Variants in ATXN8OS observed in about 807,000 individuals in gnomAD.
ATXN8OS encodes ATXN8 opposite strand lncRNA.
chr13:70,133,377 GC>G (rs966614627), intron 3 of ATXN8OS, among the ~76,000 whole-genome samples: 2 of 152,118 alleles, frequency 1.3e-5, no homozygotes, highest in African/African-American at 4.8e-5. Context: ...CTATGACCAT[GC>G]CCCTTAAACA....
At chr13:70,161,520 T>A (rs1258117705) in intron 4 of ATXN8OS, among the ~76,000 whole-genome samples, 1 of 152,128 alleles carries the variant, frequency 6.6e-6, no homozygotes, top group Non-Finnish European at 1.5e-5. Flanking sequence ...TAAGCATCAT[T>A]TTTTCAGAAC....
intron 1 of ATXN8OS, among the ~76,000 whole-genome samples, chr13:70,108,889 A>G (rs1183476471): frequency 2.0e-5 from 3 of 152,154 alleles, no homozygotes; most frequent in Non-Finnish European, 2.9e-5. Flanking sequence ...TGACACTTAC[A>G]TTGTGATTCT....
At chr13:70,168,388 A>G (rs1889103866) in intron 4 of ATXN8OS, among the ~76,000 whole-genome samples, 2 of 152,000 alleles carry the variant, frequency 1.3e-5, no homozygotes, top group Admixed American at 1.3e-4. Context: ...CCTCTCTTCT[A>G]GCTATTTTGA....
chr13:70,126,565 A>C (rs964037606), intron 2 of ATXN8OS, among the ~76,000 whole-genome samples: 46 of 151,998 alleles, frequency 3.0e-4, no homozygotes, highest in Non-Finnish European at 5.7e-4. Flanking sequence ...TATTATATAC[A>C]TAAATAGATC....
intron 1 of ATXN8OS, among the ~76,000 whole-genome samples, chr13:70,109,910 G>C (rs190912976): frequency 1.6e-3 from 250 of 152,176 alleles, no homozygotes; most frequent in Non-Finnish European, 2.8e-3. Flanking sequence ...GTGCTTCATG[G>C]ATTATCTCAC....
At chr13:70,129,542 G>T (rs1028472507) in intron 2 of ATXN8OS, among the ~76,000 whole-genome samples, 1 of 151,898 alleles carries the variant, frequency 6.6e-6, no homozygotes, top group Non-Finnish European at 1.5e-5. Context: ...TTAATACAAG[G>T]TCATGTAATG....
chr13:70,131,470 C>A (rs1284639844), intron 3 of ATXN8OS: 4 of 398,368 alleles, frequency 1.0e-5, no homozygotes, highest in Admixed American at 4.4e-5. Flanking sequence ...TGTCCCTTAC[C>A]TTTTCTCCAG....
intron 2 of ATXN8OS, among the ~76,000 whole-genome samples, chr13:70,129,375 CTGTG>C (rs34731574): frequency 0.29 from 42,759 of 148,834 alleles, 6,355 homozygotes; most frequent in South Asian, 0.46. Context: ...TTGTATTTTT[CTGTG>C]TGTGTGTGTG....
rs1405496595 is a variant in ATXN8OS, at chr13:70,112,925, T to A, written n.241-2216T>A. On this transcript the variant is annotated intron_variant and non_coding_transcript_variant, in intron 1 of 4. Transcript: ENST00000678624. Reference sequence around the variant, plus strand: ...TGAGGGACTTTATATATATAATTTTTTTTTTTTTTTTTTTTGAGATGGAGT... The same window carrying A: ...TGAGGGACTTTATATATATAATTTTATTTTTTTTTTTTTTTGAGATGGAGT... 7.9e-3 allele frequency among the ~76,000 whole-genome samples: 667 copies of A among 84,774 alleles called. 32 individuals carry two copies. The highest frequency in any genetic ancestry group is 0.078 in the East Asian group (169 of 2,154). The allele number at this position is 84,774 out of a possible 152,430, so 55.6% of individuals were successfully genotyped here.
rs1288153771 is a variant in ATXN8OS at position 70,166,748 on chromosome 13, GA to G, written n.574-3001del. On this transcript the variant is annotated intron_variant and non_coding_transcript_variant, in intron 4 of 4. Coordinates refer to ENST00000678624, the Ensembl canonical transcript of ATXN8OS. ...TGAAAAGGCAACCTACACAATGGGA[GA>G]AAATTTTTCCAACCTACTCATCTGA... 2.0e-5 allele frequency among the ~76,000 whole-genome samples: 3 copies of G among 152,184 alleles called. No homozygotes were observed. The East Asian group carries it at 5.8e-4, about 29-fold the overall frequency.
intron 3 of ATXN8OS, among the ~76,000 whole-genome samples, chr13:70,142,716 T>C (rs1403630726): frequency 5.3e-4 from 2 of 3,770 alleles, no homozygotes; most frequent in Non-Finnish European, 8.7e-4. Flanking sequence ...AACTTTTGAT[T>C]TTTTTTTTGG....
chr13:70,151,808 G>A (rs1183956590), intron 4 of ATXN8OS, among the ~76,000 whole-genome samples: 1 of 152,022 alleles, frequency 6.6e-6, no homozygotes, highest in South Asian at 2.1e-4. Flanking sequence ...GAGTAATAAC[G>A]ACCTGAATTA....
intron 4 of ATXN8OS, among the ~76,000 whole-genome samples, chr13:70,157,761 T>C (rs1888955744): frequency 6.6e-6 from 1 of 152,116 alleles, no homozygotes; most frequent in Non-Finnish European, 1.5e-5. Flanking sequence ...CAGCAGACAG[T>C]TCCCTGACTC....
At chr13:70,147,897 A>C (rs551450186) in intron 4 of ATXN8OS, among the ~76,000 whole-genome samples, 1 of 152,332 alleles carries the variant, frequency 6.6e-6, no homozygotes, top group Middle Eastern at 3.4e-3. Context: ...CAGGCAAAAC[A>C]TAATACATGT....
Position 70,145,567 on chromosome 13 carries a change from A to G in ATXN8OS, n.500-1788A>G, listed in dbSNP as rs1449563163. On this transcript the variant is annotated intron_variant and non_coding_transcript_variant, in intron 3 of 4. Transcript: ENST00000678624. ...AGTTCTCCTTGAAGAGGTCCTTCAC[A>G]TCCCTTGTAAGTTGGATTCCTAGGT... is the stretch of plus-strand genomic sequence containing the variant. Among the ~76,000 whole-genome samples the G allele has an allele frequency of 3.0e-3, 449 of 152,076 alleles. 4 individuals are homozygous for G. The highest frequency in any genetic ancestry group is 0.01 in the African/African-American group (427 of 41,462).
intron 2 of ATXN8OS, among the ~76,000 whole-genome samples, chr13:70,129,284 G>A (rs904575657): frequency 2.0e-5 from 3 of 152,032 alleles, no homozygotes; most frequent in African/African-American, 7.2e-5. Flanking sequence ...TTTATTTGAA[G>A]GATTGGTATG....
chr13:70,142,976 G>A (rs1888737521), intron 3 of ATXN8OS, among the ~76,000 whole-genome samples: 1 of 151,902 alleles, frequency 6.6e-6, no homozygotes, highest in Non-Finnish European at 1.5e-5. Context: ...AGGAGGCTGA[G>A]GCAGGAGAAT....
intron 3 of ATXN8OS, among the ~76,000 whole-genome samples, chr13:70,141,679 CCACT>C (rs1357262273): frequency 6.6e-6 from 1 of 151,362 alleles, no homozygotes; most frequent in Non-Finnish European, 1.5e-5. Flanking sequence ...ACTTTTTGCC[CCACT>C]CAAACTCCAA....
intron 4 of ATXN8OS, among the ~76,000 whole-genome samples, chr13:70,167,384 A>G (rs1187490206): frequency 2.6e-5 from 4 of 152,048 alleles, no homozygotes; most frequent in Admixed American, 2.6e-4. Context: ...ACTGGAAACC[A>G]TCATTCTCAG....
Sources: gnomAD v4.1 joint callset for allele counts (sites outside exome capture counted in the v4.1 genomes callset) on GRCh38, gnomAD v4.1.1 for gene constraint, MANE v1.5 for transcripts, NCBI Gene and HGNC (gene_info 2026-07-23, HGNC 2026-07-21) for gene names.